The following ASTN2 variants were observed in gnomAD, a reference collection of about 807,000 sequenced individuals.
ASTN2 encodes astrotactin-2.
ASTN2 carries 54 observed loss-of-function variants against 139.8 expected under a neutral mutation model. That is an observed-to-expected ratio of 0.39 (90% CI 0.31 to 0.48). ASTN2 has a LOEUF of 0.48. ASTN2 is among the 20% of genes least tolerant of loss of function. The pLI is 0.95. For missense variants in ASTN2, 1,565 were observed against 1,725.1 expected (o/e 0.91, Z 1.64); for synonymous variants, 756 against 719.5 (o/e 1.05, Z -0.81).
At chr9:117,162,670 T>A (rs1299870493) in intron 3 of ASTN2, among the ~76,000 whole-genome samples, 1 of 152,060 alleles carries the variant, frequency 6.6e-6, no homozygotes, top group Non-Finnish European at 1.5e-5. Context: ...AAAATTCAGA[T>A]AATAATTGTA....
At chr9:117,098,173 C>T (rs1278682340) in intron 4 of ASTN2, among the ~76,000 whole-genome samples, 2 of 152,186 alleles carry the variant, frequency 1.3e-5, no homozygotes, top group Admixed American at 6.5e-5. Flanking sequence ...GCAGATCATC[C>T]TTCGAGTGTC....
At chr9:117,016,727 T>TAA (rs370524490) in intron 6 of ASTN2, among the ~76,000 whole-genome samples, 1 of 39,456 alleles carries the variant, frequency 2.5e-5, no homozygotes, top group Non-Finnish European at 6.3e-5. Context: ...ATATATATGT[T>TAA]ATATATATAG....
At chr9:116,861,960 G>T in intron 11 of ASTN2, among the ~76,000 whole-genome samples, 1 of 135,892 alleles carries the variant, frequency 7.4e-6, no homozygotes, top group Admixed American at 8.3e-5. Flanking sequence ...TTAAGCCAAT[G>T]CATTTCCTTC....
intron 1 of ASTN2, among the ~76,000 whole-genome samples, chr9:117,413,728 T>G (rs746038785): frequency 6.6e-5 from 10 of 152,178 alleles, no homozygotes; most frequent in Non-Finnish European, 1.5e-4. Flanking sequence ...TCCTTTTTCT[T>G]GCCTTTAAGT....
chr9:116,750,862 C>G (rs902397177), intron 13 of ASTN2, among the ~76,000 whole-genome samples: 1 of 152,136 alleles, frequency 6.6e-6, no homozygotes, highest in Admixed American at 6.5e-5. Context: ...CAAGGGATAT[C>G]AAGACTTTAA....
intron 2 of ASTN2, among the ~76,000 whole-genome samples, chr9:117,239,398 C>A (rs567347764): frequency 3.4e-4 from 52 of 152,306 alleles, no homozygotes; most frequent in African/African-American, 1.3e-3. Flanking sequence ...ATCTTCATCA[C>A]TCCATTATTC....
chr9:117,022,475 A>G (rs942273954), intron 6 of ASTN2, among the ~76,000 whole-genome samples: 4 of 152,078 alleles, frequency 2.6e-5, no homozygotes, highest in Non-Finnish European at 5.9e-5. Context: ...AAAAACAAAA[A>G]AACAACATCA....
chr9:117,334,397 C>G (rs1421437278), intron 1 of ASTN2, among the ~76,000 whole-genome samples: 1 of 152,014 alleles, frequency 6.6e-6, no homozygotes, highest in Admixed American at 6.6e-5. Flanking sequence ...ATCAGCCACA[C>G]CTTGAGACAT....
chr9:116,661,004 A>G (rs1858525230), intron 16 of ASTN2, among the ~76,000 whole-genome samples: 3 of 152,206 alleles, frequency 2.0e-5, no homozygotes, highest in Admixed American at 6.5e-5. Context: ...AGAGTGATAA[A>G]GTATAACTTG....
At chr9:117,336,192 G>A (rs1404556635) in intron 1 of ASTN2, among the ~76,000 whole-genome samples, 1 of 152,122 alleles carries the variant, frequency 6.6e-6, no homozygotes, top group East Asian at 1.9e-4. Flanking sequence ...GGAGGTGCTT[G>A]CATGGAGTGT....
chr9:117,163,895 A>C (rs1158207927), intron 3 of ASTN2, among the ~76,000 whole-genome samples: 1 of 152,072 alleles, frequency 6.6e-6, no homozygotes, highest in Admixed American at 6.6e-5. Context: ...TGACTTCCAC[A>C]CAGGCAAAGG....
intron 10 of ASTN2, among the ~76,000 whole-genome samples, chr9:116,924,262 A>T (rs10125352): frequency 0.034 from 5,092 of 149,070 alleles, 324 homozygotes; most frequent in African/African-American, 0.12. Context: ...TATAAAAAAA[A>T]AAAAAAAAAA....
At chr9:117,137,276 C>A (rs1829974372) in intron 4 of ASTN2, among the ~76,000 whole-genome samples, 2 of 152,198 alleles carry the variant, frequency 1.3e-5, no homozygotes, top group South Asian at 4.1e-4. Context: ...ACCATGTGCT[C>A]AATTCCATGG....
chr9:117,144,314 C>T, intron 3 of ASTN2, among the ~76,000 whole-genome samples: 1 of 152,092 alleles, frequency 6.6e-6, no homozygotes, highest in Non-Finnish European at 1.5e-5. Flanking sequence ...TTAAGCTTCC[C>T]TAATCCGAAA....
chr9:116,854,893 C>A (rs1832698470), intron 11 of ASTN2, among the ~76,000 whole-genome samples: 2 of 152,046 alleles, frequency 1.3e-5, no homozygotes, highest in East Asian at 3.9e-4. Context: ...ACCTTGTGAT[C>A]CGCCTACCTC....
At chr9:117,275,564 CTTTTTTTT>C (rs57767279) in intron 2 of ASTN2, among the ~76,000 whole-genome samples, 2 of 119,188 alleles carry the variant, frequency 1.7e-5, no homozygotes, top group African/African-American at 3.2e-5. Context: ...ATCTCTCCCT[CTTTTTTTT>C]TTTTTTTTTT....
At chr9:116,908,198 G>A (rs1588402218) in intron 10 of ASTN2, among the ~76,000 whole-genome samples, 1 of 152,106 alleles carries the variant, frequency 6.6e-6, no homozygotes, top group East Asian at 1.9e-4. Context: ...TTTCAGAAAG[G>A]GAGAGAAAGA....
intron 2 of ASTN2, among the ~76,000 whole-genome samples, chr9:117,231,035 G>A (rs978691092): frequency 6.6e-6 from 1 of 152,164 alleles, no homozygotes; most frequent in African/African-American, 2.4e-5. Flanking sequence ...AAGCCTGCAG[G>A]AGACCTTATC....
At chr9:117,285,664 C>A (rs1834431496) in intron 2 of ASTN2, among the ~76,000 whole-genome samples, 1 of 152,136 alleles carries the variant, frequency 6.6e-6, no homozygotes, top group Admixed American at 6.5e-5. Flanking sequence ...CCTCTCTAAA[C>A]CCCAGTGACT....
Sources: gnomAD v4.1 joint callset for allele counts (sites outside exome capture counted in the v4.1 genomes callset) on GRCh38, gnomAD v4.1.1 for gene constraint, MANE v1.5 for transcripts, NCBI Gene and HGNC (gene_info 2026-07-23, HGNC 2026-07-21) for gene names.